Variants in HS6ST2 observed in about 807,000 individuals in gnomAD.
The protein encoded by HS6ST2 is heparan sulfate 6-O-sulfotransferase 2.
In HS6ST2, 17 loss-of-function variants were observed where a neutral mutation model predicts 33.0. The observed-to-expected ratio is 0.52, with a 90% CI of 0.35 to 0.77. The LOEUF (loss-of-function observed/expected upper bound fraction) is 0.77, where lower values mean the gene tolerates loss of function less well. HS6ST2 is among the 30% of genes least tolerant of loss of function. HS6ST2 has a pLI of 0.01. For synonymous variants in HS6ST2, 248 were observed against 237.1 expected, an observed-to-expected ratio of 1.05 and a Z score of -0.42; for missense variants, 519 against 551.7, an observed-to-expected ratio of 0.94 and a Z score of 0.59.
At chrX:132,864,878 C>T (rs948189462) in intron 2 of HS6ST2, among the ~76,000 whole-genome samples, 1 of 111,624 alleles carries the variant, frequency 9.0e-6, no homozygotes, top group African/African-American at 3.3e-5. Context: ...CGTTACCCAT[C>T]AACGGAAGCC....
At position 132,628,513 on chromosome X, in the gene HS6ST2, C is replaced by A. The variant is rs201186035; in HGVS notation, c.1648G>T (p.Ala550Ser). Residue 550 changes from alanine (A) to serine (S), a missense_variant, in exon 5 of 5, where the codon GCC (alanine) becomes TCC (serine). Ala to Ser is a moderately conservative substitution (Grantham distance 99). Transcript: ENST00000370833. ...QFMRQKEHQE[A>S]RRKRQEQRKF... ...CGTTGTTCCTGACGCTTTCGCCTGG[C>A]CTCCTGATGCTCTTTCTGCCTCATA... 2.2e-3 allele frequency: 2,601 copies of A among 1,209,099 alleles called. 5 individuals are homozygous for A. The highest frequency in any genetic ancestry group is 2.7e-3 in the Non-Finnish European group (2,375 of 895,036).
chrX:132,637,272 C>T (rs1444347148), intron 4 of HS6ST2, among the ~76,000 whole-genome samples: 1 of 111,771 alleles, frequency 8.9e-6, no homozygotes, highest in Admixed American at 9.6e-5. Flanking sequence ...CTGATATACA[C>T]ACAGTTGAGT....
chrX:132,761,416 G>A (rs2064804399), intron 2 of HS6ST2, among the ~76,000 whole-genome samples: 1 of 111,041 alleles, frequency 9.0e-6, no homozygotes, highest in South Asian at 3.9e-4. Flanking sequence ...GAAACCCCAG[G>A]AGCCCACCCC....
At chrX:132,813,743 CT>C (rs57717522) in intron 2 of HS6ST2, among the ~76,000 whole-genome samples, 14,366 of 109,277 alleles carry the variant, frequency 0.13, 901 homozygotes, top group East Asian at 0.32. Context: ...TACCACGCCC[CT>C]AGTTCATGTC....
At chrX:132,693,632 T>C (rs1206780385) in intron 3 of HS6ST2, among the ~76,000 whole-genome samples, 1 of 111,980 alleles carries the variant, frequency 8.9e-6, no homozygotes, top group Non-Finnish European at 1.9e-5. Flanking sequence ...TGTGGTTCAA[T>C]GTGGTTTTTC....
chrX:132,633,972 G>A (rs1011157050), intron 4 of HS6ST2, among the ~76,000 whole-genome samples: 1 of 110,956 alleles, frequency 9.0e-6, no homozygotes. Flanking sequence ...CCATTTTGGC[G>A]GCCACACCAC....
intron 2 of HS6ST2, among the ~76,000 whole-genome samples, chrX:132,775,066 C>T (rs1271915808): frequency 1.8e-5 from 2 of 110,728 alleles, no homozygotes; most frequent in Non-Finnish European, 3.8e-5. Context: ...GCCTGTTTTC[C>T]AAAACACTCT....
At chrX:132,731,106 AG>A (rs2064452995) in intron 2 of HS6ST2, among the ~76,000 whole-genome samples, 1 of 111,915 alleles carries the variant, frequency 8.9e-6, no homozygotes, top group Non-Finnish European at 1.9e-5. Context: ...AGAGAGTTCA[AG>A]AAACAGCTGG....
At chrX:132,939,283 G>T (rs1015379568) in intron 2 of HS6ST2, among the ~76,000 whole-genome samples, 7 of 110,895 alleles carry the variant, frequency 6.3e-5, no homozygotes, top group African/African-American at 2.0e-4. Flanking sequence ...AAAACTATTA[G>T]AACTTAAAAA....
intron 4 of HS6ST2, among the ~76,000 whole-genome samples, chrX:132,647,687 C>T (rs188124563): frequency 2.1e-4 from 24 of 112,202 alleles, no homozygotes; most frequent in Non-Finnish European, 4.1e-4. Context: ...ATGAATGAAG[C>T]CAAGTTGTTG....
intron 2 of HS6ST2, among the ~76,000 whole-genome samples, chrX:132,907,928 A>G (rs1388718699): frequency 8.9e-6 from 1 of 112,158 alleles, no homozygotes; most frequent in African/African-American, 3.2e-5. Flanking sequence ...TAAACTGGAA[A>G]TCATCAAAAT....
chrX:132,848,800 A>C (rs2065775730), intron 2 of HS6ST2, among the ~76,000 whole-genome samples: 1 of 111,265 alleles, frequency 9.0e-6, no homozygotes, highest in Non-Finnish European at 1.9e-5. Flanking sequence ...CTCTCCCTAA[A>C]CTCCCACATT....
At chrX:132,869,746 A>T (rs1408945002) in intron 2 of HS6ST2, among the ~76,000 whole-genome samples, 1 of 111,989 alleles carries the variant, frequency 8.9e-6, no homozygotes, top group Non-Finnish European at 1.9e-5. Flanking sequence ...TCAATAAACT[A>T]GGTATTGATG....
At chrX:132,634,304 A>G (rs17324091) in intron 4 of HS6ST2, among the ~76,000 whole-genome samples, 20,839 of 111,438 alleles carry the variant, frequency 0.19, 1,567 homozygotes, top group South Asian at 0.37. Flanking sequence ...GTGCCGCTGA[A>G]TGGACTGACT....
In HS6ST2 at chrX:132,805,048, C is replaced by T. The variant is rs962003078; in HGVS notation, c.948-96554G>A. Among the ~76,000 whole-genome samples, 15 of 111,181 alleles carry T rather than the reference C, an allele frequency of 1.3e-4. No homozygotes were observed. The East Asian group carries it at 3.7e-3, about 27-fold the overall frequency. On this transcript the variant is annotated intron_variant, in intron 2 of 4. Coordinates refer to ENST00000370833, the MANE Select transcript of HS6ST2 (RefSeq NM_001394073.1). ...GTCCACAGATGTTCAGTGTGCCTCT[C>T]AGAGGACAGTAAGAAAGGAAAGGCA...
intron 2 of HS6ST2, among the ~76,000 whole-genome samples, chrX:132,876,114 G>A (rs1777703458): frequency 8.9e-6 from 1 of 111,923 alleles, no homozygotes; most frequent in Non-Finnish European, 1.9e-5. Context: ...ATCAGGTGCT[G>A]TGACAAATAT....
chrX:132,848,617 C>T (rs186755636), intron 2 of HS6ST2, among the ~76,000 whole-genome samples: 3 of 111,405 alleles, frequency 2.7e-5, no homozygotes, highest in South Asian at 7.6e-4. Context: ...TCTTAACTCC[C>T]GAAAACACAA....
At chrX:132,750,870 T>C (rs1012093875) in intron 2 of HS6ST2, among the ~76,000 whole-genome samples, 4 of 112,205 alleles carry the variant, frequency 3.6e-5, no homozygotes, top group Non-Finnish European at 5.6e-5. Context: ...GTGGGGAGTA[T>C]GTAATAAGCC....
rs1398374982 is a variant in HS6ST2, at chrX:132,731,867, A to AG, written c.948-23374dup. On this transcript the variant is annotated intron_variant, in intron 2 of 4. Transcript: ENST00000370833. ...GTCTCAGAAGAAAAGGAAAAAAAAA[A>AG]GGAAATTGGGGAAGCCAGCACACTC... Among the ~76,000 whole-genome samples, 15 of 110,121 alleles carry AG rather than the reference A, an allele frequency of 1.4e-4. No individual in the cohort carries two copies. The South Asian group carries it at 4.4e-3, about 32-fold the overall frequency.
Sources: allele counts gnomAD v4.1 joint callset (sites outside exome capture counted in the v4.1 genomes callset), GRCh38; gene constraint gnomAD v4.1.1; transcripts MANE v1.5; gene names NCBI Gene and HGNC (gene_info 2026-07-23, HGNC 2026-07-21).